TMEM67: variants seen among roughly 807,000 people sequenced by gnomAD.
The protein encoded by TMEM67 is meckelin.
TMEM67 carries 124 observed loss-of-function variants against 136.6 expected under a neutral mutation model. The observed-to-expected ratio is 0.91, with a 90% CI of 0.78 to 1.05. The LOEUF (loss-of-function observed/expected upper bound fraction) is 1.05. Among genes scored for constraint, TMEM67 ranks in the 50% least tolerant of loss-of-function variants. TMEM67 has a pLI of 0.00. For missense variants in TMEM67, 1,107 were observed against 1,178.4 expected (o/e 0.94, Z 0.89); for synonymous variants, 364 against 390.5 (o/e 0.93, Z 0.80).
intron 14 of TMEM67, among the ~76,000 whole-genome samples, chr8:93,788,587 T>C (rs980183518): frequency 1.3e-5 from 2 of 152,110 alleles, no homozygotes; most frequent in African/African-American, 4.8e-5. Context: ...ATAAAGATTT[T>C]GTGTCTTTGC....
At position 93,809,828 on chromosome 8, in the gene TMEM67, T is replaced by C; in HGVS notation, c.2705T>C (p.Leu902Pro). The part of the protein sequence containing the change: ...MDYFIKDKLL[L>P]ERILGMEFME... ...TACTTTATAAAAGATAAGTTGCTTCTTGAAAGAATTCTTGGAATGGAATTC... is the reference window on the plus strand; with the variant it reads ...TACTTTATAAAAGATAAGTTGCTTCCTGAAAGAATTCTTGGAATGGAATTC... Residue 902 changes from leucine (L) to proline (P), a missense_variant, in exon 26 of 28, where the codon CTT becomes CCT. Leu to Pro is a moderately conservative substitution (Grantham distance 98, BLOSUM62 -3). Around this residue, in one of 3 missense-constraint regions of TMEM67, gnomAD observed 925 missense variants for 1,002.4 expected, o/e 0.92. Transcript: ENST00000453321. The C allele has an allele frequency of 6.2e-7, 1 of 1,609,034 alleles. No homozygotes were observed. Among genetic ancestry groups the C allele is most frequent in the Non-Finnish European group, 8.5e-7 (1 of 1,175,902 alleles).
downstream of TMEM67, among the ~76,000 whole-genome samples, chr8:93,819,902 G>C (rs944420731): frequency 6.6e-6 from 1 of 152,150 alleles, no homozygotes; most frequent in East Asian, 1.9e-4. Context: ...AAAGAACTCA[G>C]GTGGGAGCAT....
intron 21 of TMEM67, among the ~76,000 whole-genome samples, chr8:93,801,216 A>G (rs6471399): frequency 0.98 from 149,812 of 152,178 alleles, 73,791 homozygotes; most frequent in Middle Eastern, 1. Flanking sequence ...TATTTTTAAG[A>G]ATCTTTTGAG....
At chr8:93,807,776 T>C (rs909555249) in intron 23 of TMEM67, among the ~76,000 whole-genome samples, 5 of 152,038 alleles carry the variant, frequency 3.3e-5, no homozygotes, top group African/African-American at 1.2e-4. Flanking sequence ...TCGGGTTAGA[T>C]TTAGACAAAG....
At chr8:93,775,685 G>A (rs1484512171) in intron 7 of TMEM67, among the ~76,000 whole-genome samples, 1 of 152,102 alleles carries the variant, frequency 6.6e-6, no homozygotes, top group Admixed American at 6.5e-5. Context: ...TTATTTCTGA[G>A]GCCTCTGTTC....
chr8:93,755,190 GC>G (rs1236892697), intron 1 of TMEM67, 53 bp downstream of exon 1: 8 of 1,504,276 alleles, frequency 5.3e-6, no homozygotes, highest in Admixed American at 3.3e-5. Flanking sequence ...GCCTTGGTCG[GC>G]CCCTAGTCCC....
chr8:93,772,755 G>A, intron 7 of TMEM67, 104 bp downstream of exon 7: 2 of 790,976 alleles, frequency 2.5e-6, no homozygotes, highest in Non-Finnish European at 4.1e-6. Flanking sequence ...ATAGCTTCTT[G>A]GTCATAATCT....
At chr8:93,803,979 A>G (rs1422430016) in intron 22 of TMEM67, among the ~76,000 whole-genome samples, 1 of 151,596 alleles carries the variant, frequency 6.6e-6, no homozygotes, top group Non-Finnish European at 1.5e-5. Context: ...GGTTCAAGCA[A>G]TTCTCATACC....
At chr8:93,786,908 A>G (rs1041913582) in intron 13 of TMEM67, among the ~76,000 whole-genome samples, 1 of 152,170 alleles carries the variant, frequency 6.6e-6, no homozygotes, top group African/African-American at 2.4e-5. Flanking sequence ...AATCAACACC[A>G]TCATCTCACA....
chr8:93,792,853 A>C (rs1477910049), intron 15 of TMEM67, among the ~76,000 whole-genome samples: 1 of 149,232 alleles, frequency 6.7e-6, no homozygotes, highest in Non-Finnish European at 1.5e-5. Flanking sequence ...GGCTCACTGC[A>C]AGCTCCGCTC....
intron 21 of TMEM67, among the ~76,000 whole-genome samples, chr8:93,802,232 A>G (rs149954440): frequency 1.6e-3 from 247 of 152,324 alleles, no homozygotes; most frequent in African/African-American, 5.8e-3. Flanking sequence ...CAGTCCCTTC[A>G]TGGTCCATAA....
At chr8:93,825,582 T>G in the TMEM67 span, among the ~76,000 whole-genome samples, 91,283 of 151,968 alleles carry the variant, frequency 0.6, 27,743 homozygotes, top group East Asian at 0.84. Context: ...GAGAAAAAAT[T>G]AACCAGAACC....
At chr8:93,801,827 T>C (rs756910387) in intron 21 of TMEM67, among the ~76,000 whole-genome samples, 4 of 152,128 alleles carry the variant, frequency 2.6e-5, no homozygotes, top group Non-Finnish European at 5.9e-5. Context: ...ACTACAGGGA[T>C]AGAGTTAGTA....
intron 15 of TMEM67, chr8:93,791,952 C>G: frequency 6.4e-6 from 1 of 155,514 alleles, no homozygotes; most frequent in Non-Finnish European, 1.4e-5. Flanking sequence ...ACCTCTGCCT[C>G]CCGGGTTCAA....
chr8:93,830,702 A>C, the TMEM67 span, among the ~76,000 whole-genome samples: 1 of 152,248 alleles, frequency 6.6e-6, no homozygotes, highest in Non-Finnish European at 1.5e-5. Flanking sequence ...ATCCACACTT[A>C]GACCCTCCCT....
chr8:93,813,217 T>A (rs1211903656), intron 26 of TMEM67, among the ~76,000 whole-genome samples: 2 of 152,008 alleles, frequency 1.3e-5, no homozygotes, highest in Non-Finnish European at 2.9e-5. Context: ...CTCGCTCTGT[T>A]GTCTAGGCTG....
chr8:93,829,883 T>C, the TMEM67 span, among the ~76,000 whole-genome samples: 3 of 152,094 alleles, frequency 2.0e-5, no homozygotes, highest in African/African-American at 7.2e-5. Context: ...TCTCTGACCT[T>C]CCCCCACCCT....
At position 93,765,654 on chromosome 8, in the gene TMEM67, T is replaced by C. The variant is rs1443133301; in HGVS notation, c.651+8T>C. The stretch of plus-strand genomic sequence containing the variant: ...GCACGTTATGGAGAAGTTGTGAGTA[T>C]GTTTCAATTTTTTTGTTCTGTTGTT... On this transcript the variant is annotated splice_region_variant and intron_variant, in intron 6 of 27. Transcript: ENST00000453321. 6.2e-7 allele frequency: 1 copy of C among 1,601,462 alleles called. No individual in the cohort carries two copies. The highest frequency in any genetic ancestry group is 8.6e-7 in the Non-Finnish European group (1 of 1,168,480).
chr8:93,809,865 G>T lies in TMEM67; in HGVS notation c.2742G>T (p.Met914Ile). The T allele has an allele frequency of 6.2e-7, 1 of 1,605,202 alleles. No homozygotes were observed. Among genetic ancestry groups the T allele is most frequent in the Non-Finnish European group, 8.5e-7 (1 of 1,173,160 alleles). Residue 914 changes from methionine (M) to isoleucine (I), a missense_variant, in exon 26 of 28, where the codon ATG becomes ATT. By Grantham distance (10) the Met-to-Ile change is conservative. Coordinates refer to ENST00000453321, the MANE Select transcript of TMEM67 (RefSeq NM_153704.6). The stretch of plus-strand genomic sequence containing the variant: ...TTGGAATGGAATTCATGGAACCAAT[G>T]GAAAAAAGCATCTTTTACAATGGTA... ...RILGMEFMEP[M>I]EKSIFYNDEG...
Sources: allele counts gnomAD v4.1 joint callset (sites outside exome capture counted in the v4.1 genomes callset), GRCh38; gene constraint gnomAD v4.1.1; regional missense constraint gnomAD v4.1.1; transcripts MANE v1.5; gene names NCBI Gene and HGNC (gene_info 2026-07-23, HGNC 2026-07-21).